The following ADAMTSL1 variants were observed in gnomAD, a reference collection of about 807,000 sequenced individuals.
ADAMTSL1 encodes the protein ADAMTS-like protein 1.
Under a neutral mutation model 201.8 loss-of-function variants are expected in ADAMTSL1, and 126 were observed. The observed-to-expected ratio is 0.62, with a 90% CI of 0.54 to 0.72. The LOEUF is 0.72. ADAMTSL1 is among the 30% of genes least tolerant of loss of function. ADAMTSL1 has a pLI of 0.00. For synonymous variants in ADAMTSL1, 1,121 were observed against 903.4 expected (o/e 1.24, Z -4.32); for missense variants, 2,679 against 2,277.8 (o/e 1.18, Z -3.59).
intron 2 of ADAMTSL1, among the ~76,000 whole-genome samples, chr9:18,393,910 C>T (rs942811165): frequency 5.9e-5 from 9 of 152,208 alleles, no homozygotes; most frequent in African/African-American, 2.2e-4. Context: ...CCACAGCCCA[C>T]TGTACCTCTG....
At chr9:18,626,922 T>C (rs59479768) in intron 5 of ADAMTSL1, among the ~76,000 whole-genome samples, 1 of 149,188 alleles carries the variant, frequency 6.7e-6, no homozygotes, top group Non-Finnish European at 1.5e-5. Flanking sequence ...CTTTTTTTCT[T>C]TTTCTTTCTT....
intron 2 of ADAMTSL1, among the ~76,000 whole-genome samples, chr9:18,307,107 G>A (rs914167351): frequency 2.0e-5 from 3 of 152,084 alleles, no homozygotes; most frequent in African/African-American, 7.2e-5. Context: ...CTTCATAAGC[G>A]AAGGGGAAAT....
At chr9:18,526,766 T>C (rs1161778705) in intron 2 of ADAMTSL1, among the ~76,000 whole-genome samples, 1 of 152,180 alleles carries the variant, frequency 6.6e-6, no homozygotes. Context: ...CTCCAGTGAG[T>C]ACTGAAATGC....
At chr9:18,337,325 A>G (rs772683624) in intron 2 of ADAMTSL1, among the ~76,000 whole-genome samples, 1 of 151,978 alleles carries the variant, frequency 6.6e-6, no homozygotes, top group Non-Finnish European at 1.5e-5. Context: ...CAGCTTCTTT[A>G]GTTTTGAGGT....
In ADAMTSL1 at chr9:18,721,774, C is replaced by A. The variant is rs1363664047; in HGVS notation, c.2006+109C>A. On this transcript the variant is annotated intron_variant, in intron 15 of 28. Coordinates refer to ENST00000380548, the MANE Select transcript of ADAMTSL1 (RefSeq NM_001040272.6). ...ATTTGTTACTCAGTGTTTTGAAAAC[C>A]AATTAGCATCAGTTCAAACTTTTAG... 2.8e-6 allele frequency: 4 copies of A among 1,445,490 alleles called. No individual in the cohort carries two copies. In the African/African-American group the frequency reaches 5.8e-5, roughly 21 times the overall value. 89.5% of individuals were successfully genotyped at this position (1,445,490 alleles called of 1,614,324 possible).
intron 7 of ADAMTSL1, among the ~76,000 whole-genome samples, chr9:18,645,274 G>C (rs533565116): frequency 6.0e-4 from 91 of 152,280 alleles, no homozygotes; most frequent in African/African-American, 1.8e-3. Flanking sequence ...GTTCATTGTA[G>C]ATTCTGGATA....
intron 1 of ADAMTSL1, among the ~76,000 whole-genome samples, chr9:18,081,055 C>T (rs1823479055): frequency 6.6e-6 from 1 of 152,158 alleles, no homozygotes; most frequent in South Asian, 2.1e-4. Flanking sequence ...ATAAAGATGA[C>T]TTGATATCTT....
chr9:18,679,139 G>A (rs1343055084), intron 10 of ADAMTSL1, among the ~76,000 whole-genome samples: 2 of 152,128 alleles, frequency 1.3e-5, no homozygotes, highest in African/African-American at 4.8e-5. Context: ...TCATGCAGAA[G>A]AGAAATCAAA....
At chr9:18,020,605 A>AGGGC (rs1385078387) in intron 1 of ADAMTSL1, among the ~76,000 whole-genome samples, 1 of 152,118 alleles carries the variant, frequency 6.6e-6, no homozygotes, top group African/African-American at 2.4e-5. Flanking sequence ...ACAGAACAGC[A>AGGGC]GGGCGGAGAC....
rs545481081 is a variant in ADAMTSL1, at chr9:18,240,227, A to C, written c.207+76246A>C. Among the ~76,000 whole-genome samples, 4 of 152,326 alleles carry C rather than the reference A, an allele frequency of 2.6e-5. No individual in the cohort carries two copies. The East Asian group carries it at 7.7e-4, about 29-fold the overall frequency. ...AACTAATCCTTAATCCGTGGGCTAC[A>C]GAATGGATGTTGTATTAGCAGGCAT... On this transcript the variant is annotated intron_variant, in intron 2 of 29. Coordinates refer to the ADAMTSL1 transcript ENST00000680146.
intron 21 of ADAMTSL1, among the ~76,000 whole-genome samples, chr9:18,818,724 A>G (rs112903740): frequency 6.6e-6 from 1 of 152,170 alleles, no homozygotes; most frequent in Non-Finnish European, 1.5e-5. Context: ...CCAGAGGTCA[A>G]GGCTGCAGTG....
exon 1 of ADAMTSL1, chr9:17,906,801 G>C (rs574011459): frequency 2.0e-5 from 3 of 152,150 alleles, no homozygotes; most frequent in African/African-American, 4.8e-5. Flanking sequence ...GAGGGGTCTC[G>C]CCTGAGACTC....
chr9:18,364,883 A>G (rs1279997738), intron 2 of ADAMTSL1, among the ~76,000 whole-genome samples: 2 of 152,048 alleles, frequency 1.3e-5, no homozygotes, highest in African/African-American at 2.4e-5. Context: ...AGACCTCACA[A>G]TAACTCACTA....
intron 26 of ADAMTSL1, among the ~76,000 whole-genome samples, chr9:18,904,044 A>T (rs1267046372): frequency 6.6e-6 from 1 of 152,002 alleles, no homozygotes; most frequent in African/African-American, 2.4e-5. Flanking sequence ...ATCATGGTGC[A>T]CTATAGCCTC....
intron 21 of ADAMTSL1, among the ~76,000 whole-genome samples, chr9:18,825,319 C>T (rs1016439953): frequency 5.3e-5 from 8 of 152,188 alleles, no homozygotes; most frequent in Admixed American, 1.3e-4. Flanking sequence ...GAGCCCATCC[C>T]AGGTCAGCAG....
At chr9:18,521,752 G>C (rs1165018053) in intron 2 of ADAMTSL1, among the ~76,000 whole-genome samples, 2 of 151,942 alleles carry the variant, frequency 1.3e-5, no homozygotes, top group East Asian at 1.9e-4. Context: ...TTATAAATTA[G>C]AATTAAATAA....
At chr9:18,677,278 TAAAGA>T (rs1830182600) in intron 10 of ADAMTSL1, among the ~76,000 whole-genome samples, 2 of 152,038 alleles carry the variant, frequency 1.3e-5, no homozygotes, top group Non-Finnish European at 2.9e-5. Flanking sequence ...ACTATATTGA[TAAAGA>T]CAATAAATAG....
intron 1 of ADAMTSL1, among the ~76,000 whole-genome samples, chr9:18,035,658 C>G (rs1821163747): frequency 6.6e-6 from 1 of 152,062 alleles, no homozygotes; most frequent in South Asian, 2.1e-4. Context: ...TCAAGTTTTT[C>G]CTCCCATAGT....
chr9:18,460,171 C>G (rs182894766), intron 2 of ADAMTSL1, among the ~76,000 whole-genome samples: 6 of 152,132 alleles, frequency 3.9e-5, no homozygotes, highest in African/African-American at 1.4e-4. Context: ...TCAGCTAAGC[C>G]GCTGAGCAAC....
Sources: gnomAD v4.1 joint callset for allele counts (sites outside exome capture counted in the v4.1 genomes callset) on GRCh38, gnomAD v4.1.1 for gene constraint, MANE v1.5 for transcripts, NCBI Gene and HGNC (gene_info 2026-07-23, HGNC 2026-07-21) for gene names.